The following SPATA31D1 variants were observed in gnomAD, a reference collection of about 807,000 sequenced individuals.
SPATA31D1 encodes the protein spermatogenesis-associated protein 31D1.
SPATA31D1 carries 6 observed loss-of-function variants against 13.2 expected under a neutral mutation model. That is an observed-to-expected ratio of 0.46 (90% CI 0.25 to 0.90). The LOEUF is 0.90. Among genes scored for constraint, SPATA31D1 ranks in the 40% least tolerant of loss-of-function variants. The pLI is 0.18. For missense variants in SPATA31D1, 2,445 were observed against 1,884.7 expected (o/e 1.30, Z -5.50); for synonymous variants, 903 against 718.8 (o/e 1.26, Z -4.10).
rs751965365 is a variant in SPATA31D1, at chr9:81,993,355, A to C, written c.2885A>C (p.Lys962Thr). The C allele has an allele frequency of 1.2e-6, 2 of 1,613,814 alleles. No individual in the cohort carries two copies. The highest frequency in any genetic ancestry group is 2.7e-5 in the African/African-American group (2 of 74,898). The change falls in exon 4 of 4, where the codon AAG (lysine) becomes ACG (threonine). Residue 962 changes from lysine to threonine, a missense_variant. Transcript: ENST00000344803. ...SQGDSKDGVS[K>T]SRSRSTFQGE... Reference sequence around the variant, plus strand: ...GGAGATTCCAAAGATGGGGTCTCTAAGTCCCGTAGTCGAAGCACTTTTCAA... The same window carrying C: ...GGAGATTCCAAAGATGGGGTCTCTACGTCCCGTAGTCGAAGCACTTTTCAA...
In SPATA31D1 at chr9:81,990,781, C is replaced by A; in HGVS notation, c.311C>A (p.Pro104His). Residue 104 changes from proline (P) to histidine (H), a missense_variant, in exon 4 of 4, where the codon CCT becomes CAT. Pro to His is a moderately conservative substitution (Grantham distance 77). Transcript: ENST00000344803. ...KLLSLLKSFG[P>H]PVSCSPRGQH... ...TCTGGTCCTGACTGCAGCTTTGGACCTCCTGTTTCCTGCAGTCCTCGGGGC... is the reference window on the plus strand; with the variant it reads ...TCTGGTCCTGACTGCAGCTTTGGACATCCTGTTTCCTGCAGTCCTCGGGGC... The A allele has an allele frequency of 1.9e-6, 3 of 1,609,472 alleles. No individual in the cohort carries two copies. The highest frequency in any genetic ancestry group is 2.5e-6 in the Non-Finnish European group (3 of 1,177,730).
chr9:81,988,661 T>G (rs1377941716), upstream of SPATA31D1: 1 of 1,169,300 alleles, frequency 8.6e-7, no homozygotes, highest in Non-Finnish European at 1.2e-6. Context: ...GCTGGGCTGG[T>G]GGGGTTGGGG....
chr9:81,992,663 G>A lies in SPATA31D1; in HGVS notation c.2193G>A (p.Pro731=), dbSNP rs187675943. The change falls in exon 4 of 4, where the codon CCG becomes CCA. Residue 731 remains proline (P), a synonymous_variant. Coordinates refer to ENST00000344803, the MANE Select transcript of SPATA31D1 (RefSeq NM_001001670.3). ...CTGTGTCAGAGAGAATTCATGGACCGTTAAATATCTCTTTGGTTGAGGGTC... is the reference window on the plus strand; with the variant it reads ...CTGTGTCAGAGAGAATTCATGGACCATTAAATATCTCTTTGGTTGAGGGTC... ...ELSVSERIHG[P]LNISLVEGQR... is the part of the protein sequence containing the mutation. 1.4e-4 allele frequency: 226 copies of A among 1,613,800 alleles called. No individual in the cohort carries two copies. The highest frequency in any genetic ancestry group is 3.3e-4 in the Middle Eastern group (2 of 6,050).
In SPATA31D1 at chr9:81,990,962, T is replaced by G; in HGVS notation, c.492T>G (p.Ser164=). The change falls in exon 4 of 4, where the codon TCT becomes TCG. Residue 164 remains serine, a synonymous_variant. Transcript: ENST00000344803. ...TGTCCCCTTTGGCTTCTTCGGCTTC[T>G]GCGACTGAGTCATCGTTCACTCTGG... ...PSVSPLASSA[S]ATESSFTLAS... 1.2e-6 allele frequency: 2 copies of G among 1,613,904 alleles called. No homozygotes were observed. Among genetic ancestry groups the G allele is most frequent in the African/African-American group, 1.3e-5 (1 of 75,028 alleles).
In SPATA31D1 at chr9:81,994,740, G is replaced by C. The variant is rs1171946258; in HGVS notation, c.4270G>C (p.Asp1424His). 1.2e-6 allele frequency: 2 copies of C among 1,613,962 alleles called. No homozygotes were observed. The highest frequency in any genetic ancestry group is 1.7e-6 in the Non-Finnish European group (2 of 1,179,880). The change falls in exon 4 of 4, where the codon GAT becomes CAT. Residue 1424 changes from aspartate (D) to histidine (H), a missense_variant. Asp to His is a moderately conservative substitution (Grantham distance 81). Coordinates refer to ENST00000344803, the MANE Select transcript of SPATA31D1 (RefSeq NM_001001670.3). ...EEKLGHRHGI[D>H]ITCPQEPLSF... is the part of the protein sequence containing the mutation. The stretch of plus-strand genomic sequence containing the variant: ...GAAGCTGGGGCATAGGCATGGGATA[G>C]ATATCACCTGTCCCCAAGAGCCCCT...
rs372955016 is a variant in SPATA31D1 at position 81,994,981 on chromosome 9, C to T, written c.4511C>T (p.Ala1504Val). ...DKDRQPQKVE[A>V]FKGKILCQSH... Reference sequence around the variant, plus strand: ...GACAGACAGCCCCAGAAAGTTGAGGCATTTAAGGGGAAGATACTGTGTCAA... The same window carrying T: ...GACAGACAGCCCCAGAAAGTTGAGGTATTTAAGGGGAAGATACTGTGTCAA... Residue 1504 changes from alanine (A) to valine (V), a missense_variant, in exon 4 of 4, where the codon GCA becomes GTA. By Grantham distance (64) the Ala-to-Val change is moderately conservative (BLOSUM62 0). Transcript: ENST00000344803. 5.0e-6 allele frequency: 8 copies of T among 1,613,846 alleles called. No individual in the cohort carries two copies. Among genetic ancestry groups the T allele is most frequent in the Non-Finnish European group, 6.8e-6 (8 of 1,179,886 alleles).
rs764393967 is a variant in SPATA31D1 at position 81,988,898 on chromosome 9, C to T, written c.80C>T (p.Pro27Leu). The change falls in exon 1 of 4, where the codon CCC becomes CTC. Residue 27 changes from proline (P) to leucine (L), a missense_variant. Coordinates refer to ENST00000344803, the MANE Select transcript of SPATA31D1 (RefSeq NM_001001670.3). ...GACTCACATTGGTTGGATATCGACC[C>T]CAACTTCATCTGCTTGAGTGGGTTG... ...SPDSHWLDID[P>L]NFICLSGLGL... 7 of 1,612,706 alleles carry T rather than the reference C, an allele frequency of 4.3e-6. No homozygotes were observed. The highest frequency in any genetic ancestry group is 1.7e-5 in the Admixed American group (1 of 59,970).
In SPATA31D1 at chr9:81,989,773, C is replaced by T. The variant is rs755100488; in HGVS notation, c.187-5C>T. The T allele has an allele frequency of 6.2e-7, 1 of 1,613,604 alleles. No individual in the cohort carries two copies. The highest frequency in any genetic ancestry group is 8.5e-7 in the Non-Finnish European group (1 of 1,179,660). On this transcript the variant is annotated splice_polypyrimidine_tract_variant and splice_region_variant and intron_variant, in intron 1 of 3. Transcript: ENST00000344803. ...AGCCTGTCATTATCTGTCTTTTGTT[C>T]TCAGCATCAGGGCAGAGCCAAGAGG...
rs774103395 is a variant in SPATA31D1, at chr9:81,993,486, T to C, written c.3016T>C (p.Ser1006Pro). ...GCAGGGGACCCTGAGAAGACAATTT[T>C]CTGATACTGACCATGACCTTATAGA... ...EGQGTLRRQF[S>P]DTDHDLIETD... The change falls in exon 4 of 4, where the codon TCT (serine) becomes CCT (proline). Residue 1006 changes from serine (S) to proline (P), a missense_variant. Ser to Pro is a moderately conservative substitution (Grantham distance 74). Transcript: ENST00000344803. 4 of 1,613,952 alleles carry C rather than the reference T, an allele frequency of 2.5e-6. No individual in the cohort carries two copies. In the South Asian group the frequency reaches 4.4e-5, roughly 18 times the overall value.
Position 81,994,223 on chromosome 9 carries a change from T to A in SPATA31D1, c.3753T>A (p.Thr1251=). 1 of 1,614,020 alleles carries A rather than the reference T, an allele frequency of 6.2e-7. No individual in the cohort carries two copies. The highest frequency in any genetic ancestry group is 8.5e-7 in the Non-Finnish European group (1 of 1,179,890). The change falls in exon 4 of 4, where the codon ACT becomes ACA. Residue 1251 remains threonine (T), a synonymous_variant. Coordinates refer to ENST00000344803, the MANE Select transcript of SPATA31D1 (RefSeq NM_001001670.3). ...SQGISSGDMG[T]SQVVHVHLED... Reference sequence around the variant, plus strand: ...GCATCTCGAGTGGGGACATGGGAACTTCCCAGGTGGTGCATGTCCACTTGG... The same window carrying A: ...GCATCTCGAGTGGGGACATGGGAACATCCCAGGTGGTGCATGTCCACTTGG...
upstream of SPATA31D1, among the ~76,000 whole-genome samples, chr9:81,988,081 C>T (rs1473280821): frequency 6.6e-6 from 1 of 152,214 alleles, no homozygotes; most frequent in Non-Finnish European, 1.5e-5. Context: ...TAAACTTTTT[C>T]TAATAAAATG....
In SPATA31D1 at chr9:81,993,573, G is replaced by T. The variant is rs373293574; in HGVS notation, c.3103G>T (p.Glu1035Ter). 1 of 1,613,834 alleles carries T rather than the reference G, an allele frequency of 6.2e-7. No individual in the cohort carries two copies. Among genetic ancestry groups the T allele is most frequent in the South Asian group, 1.1e-5 (1 of 91,070 alleles). ...AAGAGGTACTACAGATTTTCAAAGC[G>T]AAAAATTAGATTCAACAAGCTCATT... ...LRRGTTDFQS[E>*]KLDSTSSFPI... The change falls in exon 4 of 4, where the codon GAA becomes TAA. Residue 1035 changes from glutamate to a stop codon, truncating the protein, a stop_gained. Transcript: ENST00000344803. LOFTEE classifies it low-confidence loss of function (END_TRUNC).
At chr9:81,988,661 T>A (rs1377941716), upstream of SPATA31D1, 2 of 1,169,182 alleles carry the variant, frequency 1.7e-6, no homozygotes, top group Non-Finnish European at 2.4e-6. Flanking sequence ...GCTGGGCTGG[T>A]GGGGTTGGGG....
At position 81,993,482 on chromosome 9, in the gene SPATA31D1, A is replaced by C. The variant is rs772904104; in HGVS notation, c.3012A>C (p.Gln1004His). ...VQEGQGTLRR[Q>H]FSDTDHDLIE... ...AAGGGCAGGGGACCCTGAGAAGACA[A>C]TTTTCTGATACTGACCATGACCTTA... The change falls in exon 4 of 4, where the codon CAA becomes CAC. Residue 1004 changes from glutamine (Q) to histidine (H), a missense_variant. Gln to His is a conservative substitution (Grantham distance 24). Coordinates refer to ENST00000344803, the MANE Select transcript of SPATA31D1 (RefSeq NM_001001670.3). The C allele has an allele frequency of 1.9e-6, 3 of 1,613,832 alleles. No homozygotes were observed. Among genetic ancestry groups the C allele is most frequent in the Non-Finnish European group, 2.5e-6 (3 of 1,179,848 alleles).
rs372238180 is a variant in SPATA31D1 at position 81,991,362 on chromosome 9, C to T, written c.892C>T (p.Pro298Ser). 1 of 1,614,032 alleles carries T rather than the reference C, an allele frequency of 6.2e-7. No individual in the cohort carries two copies. The highest frequency in any genetic ancestry group is 1.3e-5 in the African/African-American group (1 of 75,058). The change falls in exon 4 of 4, where the codon CCA (proline) becomes TCA (serine). Residue 298 changes from proline to serine, a missense_variant. Physicochemically the swap from Pro to Ser is moderately conservative, Grantham distance 74 (BLOSUM62 -1). Transcript: ENST00000344803. ...PIDSCARHHGPPIPSALPPED... is the reference protein window; with the variant it reads ...PIDSCARHHGSPIPSALPPED... ...TGATTCTTGTGCTCGTCATCACGGACCACCAATCCCATCTGCTTTACCACC... is the reference window on the plus strand; with the variant it reads ...TGATTCTTGTGCTCGTCATCACGGATCACCAATCCCATCTGCTTTACCACC...
chr9:81,989,671 T>C (rs558196154), intron 1 of SPATA31D1, 107 bp from the exon 2 acceptor site: 4 of 1,198,142 alleles, frequency 3.3e-6, no homozygotes, highest in African/African-American at 1.6e-5. Context: ...AATTAAAGAG[T>C]AATATTCTTG....
rs748769857 is a variant in SPATA31D1, at chr9:81,994,233, G to C, written c.3763G>C (p.Val1255Leu). 3.1e-6 allele frequency: 5 copies of C among 1,613,862 alleles called. No homozygotes were observed. Among genetic ancestry groups the C allele is most frequent in the East Asian group, 4.5e-5 (2 of 44,888 alleles). ...SSGDMGTSQV[V>L]HVHLEDSGIR... ...TGGGGACATGGGAACTTCCCAGGTG[G>C]TGCATGTCCACTTGGAGGACAGCGG... Residue 1255 changes from valine to leucine, a missense_variant, in exon 4 of 4, where the codon GTG becomes CTG. Val to Leu is a conservative substitution (Grantham distance 32). Coordinates refer to ENST00000344803, the MANE Select transcript of SPATA31D1 (RefSeq NM_001001670.3).
Position 81,993,433 on chromosome 9 carries a change from C to T in SPATA31D1, c.2963C>T (p.Pro988Leu), listed in dbSNP as rs372627275. 4.2e-5 allele frequency: 67 copies of T among 1,613,804 alleles called. 1 individual carries two copies. In the Middle Eastern group the frequency reaches 1.3e-3, roughly 32 times the overall value. ...GTCCCCATCCTTGATCGTCCTCACC[C>T]TGTCTCCTCACCTGTCGTCCAAGAA... ...SSVPILDRPH[P>L]VSSPVVQEGQ... The change falls in exon 4 of 4, where the codon CCT becomes CTT. Residue 988 changes from proline to leucine, a missense_variant. By Grantham distance (98) the Pro-to-Leu change is moderately conservative (BLOSUM62 -3). Coordinates refer to ENST00000344803, the MANE Select transcript of SPATA31D1 (RefSeq NM_001001670.3).
chr9:81,993,287 T>C lies in SPATA31D1; in HGVS notation c.2817T>C (p.Phe939=), dbSNP rs1281360739. 2.5e-6 allele frequency: 4 copies of C among 1,614,028 alleles called. No homozygotes were observed. The South Asian group carries it at 3.3e-5, about 13-fold the overall frequency. The part of the protein sequence containing the change: ...FKSKADLSTS[F]SHFDLPSSAT... Reference sequence around the variant, plus strand: ...CGAAAGCGGACCTTTCCACTTCCTTTTCCCATTTCGACCTTCCCTCCTCAG... The same window carrying C: ...CGAAAGCGGACCTTTCCACTTCCTTCTCCCATTTCGACCTTCCCTCCTCAG... Residue 939 remains phenylalanine, a synonymous_variant, in exon 4 of 4, where the codon TTT becomes TTC. Coordinates refer to ENST00000344803, the MANE Select transcript of SPATA31D1 (RefSeq NM_001001670.3).
Sources: allele counts gnomAD v4.1 joint callset (sites outside exome capture counted in the v4.1 genomes callset), GRCh38; gene constraint gnomAD v4.1.1; transcripts MANE v1.5; gene names NCBI Gene and HGNC (gene_info 2026-07-23, HGNC 2026-07-21).